The following TIGD2 variants were observed in gnomAD, a reference collection of about 807,000 sequenced individuals.
The protein encoded by TIGD2 is tigger transposable element-derived protein 2.
A neutral mutation model predicts 27.0 loss-of-function variants in TIGD2; 14 were observed. The ratio of observed to expected loss-of-function variants is 0.52; its 90% CI spans 0.34 to 0.81. The LOEUF is 0.81. Ranked by LOEUF, TIGD2 falls within the 30% of genes least tolerant of loss-of-function variation. The pLI, the probability that TIGD2 is intolerant of heterozygous loss-of-function variation, is 0.01. For synonymous variants in TIGD2, 201 were observed against 209.0 expected, an observed-to-expected ratio of 0.96 and a Z score of 0.33; for missense variants, 590 against 617.3, an observed-to-expected ratio of 0.96 and a Z score of 0.47.
In TIGD2 at chr4:89,114,504, G is replaced by C; in HGVS notation, c.1530G>C (p.Arg510=). Residue 510 remains arginine (R), a synonymous_variant, in exon 2 of 2, where the codon CGG becomes CGC. Transcript: ENST00000603357. Reference sequence around the variant, plus strand: ...ATAAATTGGTATTAAGGAGGCTTCGGACCATAATAAGAAAAAAACAGAAGA... The same window carrying C: ...ATAAATTGGTATTAAGGAGGCTTCGCACCATAATAAGAAAAAAACAGAAGA... ...LSDKLVLRRL[R]TIIRKKQKIQ... is the part of the protein sequence containing the mutation. 2.5e-6 allele frequency: 4 copies of C among 1,593,586 alleles called. No individual in the cohort carries two copies. The highest frequency in any genetic ancestry group is 3.4e-6 in the Non-Finnish European group (4 of 1,167,940).
Position 89,113,423 on chromosome 4 carries a change from C to T in TIGD2, c.449C>T (p.Thr150Ile), listed in dbSNP as rs771885346. 6.2e-7 allele frequency: 1 copy of T among 1,614,132 alleles called. No homozygotes were observed. Among genetic ancestry groups the T allele is most frequent in the Non-Finnish European group, 8.5e-7 (1 of 1,180,034 alleles). The change falls in exon 2 of 2, where the codon ACT (threonine) becomes ATT (isoleucine). Residue 150 changes from threonine to isoleucine, a missense_variant. Transcript: ENST00000603357. ...GKGTKLKGDE[T>I]AAREFCGSFQ... ...GGAACAAAATTAAAAGGAGATGAAA[C>T]TGCTGCCAGAGAATTTTGTGGTAGC...
Position 89,111,748 on chromosome 4 carries a change from G to C in TIGD2, c.-1044G>C, listed in dbSNP as rs2149217666. 6.6e-6 allele frequency: 1 copy of C among 152,334 alleles called. No homozygotes were observed. The highest frequency in any genetic ancestry group is 1.5e-5 in the Non-Finnish European group (1 of 68,036). 9.4% of individuals were successfully genotyped at this position (152,334 alleles called of 1,614,324 possible). On this transcript the variant is annotated 5_prime_UTR_variant, in exon 1 of 2. The change abolishes the stop of an existing upstream ORF in the 5' untranslated region. Transcript: ENST00000603357. ...CCGCTGGCTGGCTGGCTGCAGCAGT[G>C]ACATCCTGGTCGCCGGCGTCCAGGC...
Position 89,113,449 on chromosome 4 carries a change from T to C in TIGD2, c.475T>C (p.Phe159Leu), listed in dbSNP as rs1266056466. ...ETAAREFCGSFQEFVEKENLQ... is the reference protein window; with the variant it reads ...ETAAREFCGSLQEFVEKENLQ... ...TGCTGCCAGAGAATTTTGTGGTAGC[T>C]TTCAGGAATTTGTTGAAAAAGAGAA... Residue 159 changes from phenylalanine (F) to leucine (L), a missense_variant, in exon 2 of 2, where the codon TTT becomes CTT. Physicochemically the swap from Phe to Leu is conservative, Grantham distance 22. This residue lies in a region of TIGD2 where 451 missense variants were observed against 448.0 expected (regional missense o/e 1.01). Transcript: ENST00000603357. The C allele has an allele frequency of 6.2e-7, 1 of 1,614,108 alleles. No individual in the cohort carries two copies. Among genetic ancestry groups the C allele is most frequent in the Admixed American group, 1.7e-5 (1 of 60,020 alleles).
At chr4:89,111,457 G>A (rs1468257286), upstream of TIGD2, 2 of 154,272 alleles carry the variant, frequency 1.3e-5, no homozygotes, top group African/African-American at 2.4e-5. Flanking sequence ...CCCTCCCCCG[G>A]GCCGCGTGCG....
chr4:89,113,499 T>C lies in TIGD2; in HGVS notation c.525T>C (p.Gly175=). The C allele has an allele frequency of 6.2e-7, 1 of 1,613,956 alleles. No individual in the cohort carries two copies. The highest frequency in any genetic ancestry group is 1.1e-5 in the South Asian group (1 of 91,070). The change falls in exon 2 of 2, where the codon GGT becomes GGC. Residue 175 remains glycine (G), a synonymous_variant. Transcript: ENST00000603357. ...ATCTACAACCAGAGCAAATTTATGG[T>C]GCTGATCAAACTGGATTGTTTTGGA... is the stretch of plus-strand genomic sequence containing the variant. ...KENLQPEQIY[G]ADQTGLFWKC...
chr4:89,111,346 C>G (rs1319631338), upstream of TIGD2: 1 of 490,734 alleles, frequency 2.0e-6, no homozygotes, highest in African/African-American at 2.1e-5. Flanking sequence ...GCCAGGGAGG[C>G]ACTGCGGCCC....
At chr4:89,111,232 G>T (rs921359806), upstream of TIGD2, 12 of 981,774 alleles carry the variant, frequency 1.2e-5, no homozygotes, top group Non-Finnish European at 1.3e-5. Context: ...CACTGGGGGG[G>T]TGAGATTTTA....
chr4:89,113,721 T>C lies in TIGD2; in HGVS notation c.747T>C (p.Tyr249=), dbSNP rs751437702. 1.2e-5 allele frequency: 19 copies of C among 1,614,056 alleles called. No homozygotes were observed. In the East Asian group the frequency reaches 4.0e-4, roughly 34 times the overall value. ...GTDLSNLPVT[Y]YSQKGAWIEQ... ...ACCTTTCAAACCTTCCTGTGACATATTACAGTCAAAAAGGTGCATGGATAG... is the reference window on the plus strand; with the variant it reads ...ACCTTTCAAACCTTCCTGTGACATACTACAGTCAAAAAGGTGCATGGATAG... The change falls in exon 2 of 2, where the codon TAT becomes TAC. Residue 249 remains tyrosine, a synonymous_variant. Coordinates refer to ENST00000603357, the MANE Select transcript of TIGD2 (RefSeq NM_145715.3).
chr4:89,114,523 C>G lies in TIGD2; in HGVS notation c.1549C>G (p.Gln517Glu). The stretch of plus-strand genomic sequence containing the variant: ...GCTTCGGACCATAATAAGAAAAAAA[C>G]AGAAGATCCAAAATAACAAAAATCA... ...RRLRTIIRKK[Q>E]KIQNNKNH is the part of the protein sequence containing the mutation. Residue 517 changes from glutamine to glutamate, a missense_variant, in exon 2 of 2, where the codon CAG (glutamine) becomes GAG (glutamate). Physicochemically the swap from Gln to Glu is conservative, Grantham distance 29. This residue lies in a region of TIGD2 where 451 missense variants were observed against 448.0 expected (regional missense o/e 1.01). Coordinates refer to ENST00000603357, the MANE Select transcript of TIGD2 (RefSeq NM_145715.3). 6.3e-7 allele frequency: 1 copy of G among 1,584,954 alleles called. No homozygotes were observed. The highest frequency in any genetic ancestry group is 1.1e-5 in the South Asian group (1 of 87,486).
At position 89,112,865 on chromosome 4, in the gene TIGD2, T is replaced by C. The variant is rs745589311; in HGVS notation, c.-110T>C. ...AATTGGTCACTATCCATCTAGGCCC[T>C]AGAAGTGAGAGGAGGAATCTTACGA... is the stretch of plus-strand genomic sequence containing the variant. On this transcript the variant is annotated 5_prime_UTR_variant, in exon 2 of 2. Coordinates refer to ENST00000603357, the MANE Select transcript of TIGD2 (RefSeq NM_145715.3). 1.0e-5 allele frequency: 10 copies of C among 965,896 alleles called. No homozygotes were observed. The highest frequency in any genetic ancestry group is 2.6e-5 in the Admixed American group (1 of 38,718). 59.8% of individuals were successfully genotyped at this position (965,896 alleles called of 1,614,324 possible). A position where few individuals can be genotyped will look rare whatever the true frequency, so the allele number is the denominator to read the frequency against.
In TIGD2 at chr4:89,111,836, A is replaced by T. The variant is rs541077760; in HGVS notation, c.-956A>T. Reference sequence around the variant, plus strand: ...GCGCTCTGAAGCTCGCCCAGCGGGGAGAGGCCCTCGCTAACACGGCTTCTC... The same window carrying T: ...GCGCTCTGAAGCTCGCCCAGCGGGGTGAGGCCCTCGCTAACACGGCTTCTC... On this transcript the variant is annotated 5_prime_UTR_variant, in exon 1 of 2. Coordinates refer to ENST00000603357, the MANE Select transcript of TIGD2 (RefSeq NM_145715.3). The T allele has an allele frequency of 6.6e-6, 1 of 152,162 alleles. No individual in the cohort carries two copies. The highest frequency in any genetic ancestry group is 1.5e-5 in the Non-Finnish European group (1 of 68,014). 9.4% of individuals were successfully genotyped at this position (152,162 alleles called of 1,614,324 possible).
In TIGD2 at chr4:89,114,225, A is replaced by G. The variant is rs530462147; in HGVS notation, c.1251A>G (p.Thr417=). The G allele has an allele frequency of 1.7e-5, 27 of 1,614,220 alleles. No individual in the cohort carries two copies. The South Asian group carries it at 2.6e-4, about 16-fold the overall frequency. ...ATTTAGCAACAGTTTTACAGAACAC[A>G]GAAGAATGTGAACATGTTGACATTG... ...AANLATVLQN[T]EECEHVDIEN... The change falls in exon 2 of 2, where the codon ACA becomes ACG. Residue 417 remains threonine (T), a synonymous_variant. Coordinates refer to ENST00000603357, the MANE Select transcript of TIGD2 (RefSeq NM_145715.3).
Position 89,114,449 on chromosome 4 carries a change from T to C in TIGD2, c.1475T>C (p.Leu492Pro). The C allele has an allele frequency of 6.2e-7, 1 of 1,614,076 alleles. No homozygotes were observed. ...TGGACTGAAAATTTACTGGATTATC[T>C]TGAACAACAAGATGACATGCTTCTG... is the stretch of plus-strand genomic sequence containing the variant. ...LEWTENLLDYLEQQDDMLLSD... is the reference protein window; with the variant it reads ...LEWTENLLDYPEQQDDMLLSD... Residue 492 changes from leucine (L) to proline (P), a missense_variant, in exon 2 of 2, where the codon CTT becomes CCT. This residue lies in a region of TIGD2 where 451 missense variants were observed against 448.0 expected (regional missense o/e 1.01). Transcript: ENST00000603357.
upstream of TIGD2, chr4:89,111,529 C>G (rs996101342): frequency 6.6e-6 from 1 of 152,362 alleles, no homozygotes; most frequent in Non-Finnish European, 1.5e-5. Context: ...CGCGCGTGCT[C>G]TCTAATCCCC....
upstream of TIGD2, chr4:89,111,351 C>T: frequency 2.2e-6 from 1 of 460,098 alleles, no homozygotes; most frequent in Middle Eastern, 1.1e-3. Flanking sequence ...GGAGGCACTG[C>T]GGCCCCGAAA....
In TIGD2 at chr4:89,113,558, C is replaced by G. The variant is rs756893733; in HGVS notation, c.584C>G (p.Thr195Ser). Residue 195 changes from threonine to serine, a missense_variant, in exon 2 of 2, where the codon ACT becomes AGT. By Grantham distance (58) the Thr-to-Ser change is moderately conservative (BLOSUM62 1). This residue lies in a region of TIGD2 where 451 missense variants were observed against 448.0 expected (regional missense o/e 1.01). Coordinates refer to ENST00000603357, the MANE Select transcript of TIGD2 (RefSeq NM_145715.3). The stretch of plus-strand genomic sequence containing the variant: ...CCATCAAGGACATTAACTCTTGAAA[C>G]TGACCAAAGTACTTCTGGGTGTAGG... ...CLPSRTLTLE[T>S]DQSTSGCRSS... The G allele has an allele frequency of 6.2e-7, 1 of 1,614,002 alleles. No individual in the cohort carries two copies. Among genetic ancestry groups the G allele is most frequent in the Non-Finnish European group, 8.5e-7 (1 of 1,180,038 alleles).
At chr4:89,112,000 A>G (rs1381583581) in intron 1 of TIGD2, 67 bp from the exon 2 acceptor site, 2 of 152,248 alleles carry the variant, frequency 1.3e-5, no homozygotes, top group African/African-American at 4.8e-5. Flanking sequence ...GTTGCAGGAT[A>G]AATGTGGATA....
chr4:89,111,198 G>C (rs1721033059), upstream of TIGD2: 2 of 985,410 alleles, frequency 2.0e-6, no homozygotes, highest in South Asian at 4.7e-5. Flanking sequence ...CCCGGCACGC[G>C]AGGATCCTCC....
rs748570368 is a variant in TIGD2, at chr4:89,112,943, C to T, written c.-32C>T. ...AATCTTAGTTGTTAATTATCTTGTT[C>T]TAGTAATCACCTAAAATATTAGACA... On this transcript the variant is annotated 5_prime_UTR_variant, in exon 2 of 2. Transcript: ENST00000603357. 7 of 1,496,072 alleles carry T rather than the reference C, an allele frequency of 4.7e-6. No individual in the cohort carries two copies. Among genetic ancestry groups the T allele is most frequent in the African/African-American group, 1.4e-5 (1 of 71,232 alleles). The allele number at this position is 1,496,072 out of a possible 1,614,324, so 92.7% of individuals were successfully genotyped here.
Sources: gnomAD v4.1 joint callset for allele counts on GRCh38, gnomAD v4.1.1 for gene constraint, gnomAD v4.1.1 regional missense constraint, MANE v1.5 for transcripts, NCBI Gene and HGNC (gene_info 2026-07-23, HGNC 2026-07-21) for gene names.